RIMS2: variants seen among roughly 807,000 people sequenced by gnomAD.
RIMS2 encodes regulating synaptic membrane exocytosis protein 2.
RIMS2 carries 59 observed loss-of-function variants against 174.4 expected under a neutral mutation model. The ratio of observed to expected loss-of-function variants is 0.34; its 90% CI spans 0.27 to 0.42. The LOEUF (loss-of-function observed/expected upper bound fraction) is 0.42. RIMS2 is among the 10% of genes least tolerant of loss of function. The probability of loss-of-function intolerance (pLI) is 1.00; values close to 1 mark genes in which losing one functional copy is unlikely to be tolerated. For synonymous variants in RIMS2, 606 were observed against 572.5 expected (o/e 1.06, Z -0.84); for missense variants, 1,620 against 1,666.3 (o/e 0.97, Z 0.48).
chr8:103,571,373 C>T (rs2092793864), intron 1 of RIMS2, among the ~76,000 whole-genome samples: 1 of 152,170 alleles, frequency 6.6e-6, no homozygotes, highest in Non-Finnish European at 1.5e-5. Flanking sequence ...CACACACAAG[C>T]CTCCTTGAAG....
At chr8:103,636,183 T>C (rs1696533978) in intron 1 of RIMS2, among the ~76,000 whole-genome samples, 1 of 152,182 alleles carries the variant, frequency 6.6e-6, no homozygotes, top group Non-Finnish European at 1.5e-5. Flanking sequence ...CTGGCTGGAA[T>C]TTCAAGCCAG....
intron 3 of RIMS2, among the ~76,000 whole-genome samples, chr8:103,876,318 T>C (rs2099136415): frequency 1.3e-5 from 2 of 151,964 alleles, no homozygotes; most frequent in Admixed American, 6.6e-5. Flanking sequence ...TTATTCTGAA[T>C]GTGGCTATCT....
At chr8:103,566,509 C>T (rs2092363301) in intron 1 of RIMS2, among the ~76,000 whole-genome samples, 1 of 152,204 alleles carries the variant, frequency 6.6e-6, no homozygotes, top group African/African-American at 2.4e-5. Flanking sequence ...TGTGTACTCT[C>T]AGTTTTTCTA....
intron 3 of RIMS2, among the ~76,000 whole-genome samples, chr8:103,875,181 G>A (rs148069743): frequency 8.6e-5 from 13 of 152,038 alleles, no homozygotes; most frequent in African/African-American, 2.4e-4. Context: ...GAATTGTGTA[G>A]TAGTGAAACC....
At chr8:103,806,143 G>A (rs745681799) in intron 3 of RIMS2, among the ~76,000 whole-genome samples, 2 of 152,066 alleles carry the variant, frequency 1.3e-5, no homozygotes, top group Non-Finnish European at 2.9e-5. Context: ...AGTCATGAGG[G>A]TGGAAGGATT....
intron 19 of RIMS2, among the ~76,000 whole-genome samples, chr8:104,052,863 G>A (rs4549737): frequency 0.65 from 98,870 of 151,930 alleles, 32,795 homozygotes; most frequent in Middle Eastern, 0.71. Flanking sequence ...ATAGAATAAA[G>A]CGGAAAGCTA....
intron 1 of RIMS2, among the ~76,000 whole-genome samples, chr8:103,556,080 C>T (rs1227889607): frequency 6.6e-6 from 1 of 151,790 alleles, no homozygotes; most frequent in African/African-American, 2.4e-5. Context: ...TGAAAAGACA[C>T]AAAATTTCAG....
chr8:103,816,239 TAAAC>T (rs1479495684), intron 3 of RIMS2, among the ~76,000 whole-genome samples: 1 of 152,010 alleles, frequency 6.6e-6, no homozygotes. Flanking sequence ...AGGCTAAAAA[TAAAC>T]AAGCAAAAAA....
chr8:103,673,412 C>T (rs112575820), intron 1 of RIMS2, among the ~76,000 whole-genome samples: 5 of 152,194 alleles, frequency 3.3e-5, no homozygotes, highest in African/African-American at 9.7e-5. Flanking sequence ...AGGAGGCTTC[C>T]GCGTGGACAC....
At chr8:103,666,937 G>A (rs370621200) in intron 1 of RIMS2, among the ~76,000 whole-genome samples, 137 of 152,202 alleles carry the variant, frequency 9.0e-4, no homozygotes, top group African/African-American at 3.2e-3. Context: ...TGTTCCAGTT[G>A]AAGAGAAACC....
chr8:103,664,373 A>G (rs2096642154), intron 1 of RIMS2, among the ~76,000 whole-genome samples: 1 of 152,258 alleles, frequency 6.6e-6, no homozygotes, highest in African/African-American at 2.4e-5. Flanking sequence ...TTTGCAATCT[A>G]CCCATCTGAC....
At chr8:103,529,529 G>A (rs1031736175) in intron 1 of RIMS2, among the ~76,000 whole-genome samples, 1 of 152,230 alleles carries the variant, frequency 6.6e-6, no homozygotes, top group East Asian at 1.9e-4. Context: ...GTCTGTCACA[G>A]CTTCCCTTGG....
downstream of RIMS2, chr8:104,255,045 G>C (rs970069521): frequency 6.6e-6 from 1 of 152,142 alleles, no homozygotes; most frequent in Non-Finnish European, 1.5e-5. Flanking sequence ...GTCTGCTTCA[G>C]GTTTGAAATT....
intron 19 of RIMS2, among the ~76,000 whole-genome samples, chr8:104,078,991 T>G (rs2097354326): frequency 6.6e-6 from 1 of 152,170 alleles, no homozygotes; most frequent in Admixed American, 6.5e-5. Flanking sequence ...TAGATGTATT[T>G]GTGAATTGCT....
chr8:103,783,391 G>A (rs1218806444), intron 3 of RIMS2, among the ~76,000 whole-genome samples: 1 of 150,572 alleles, frequency 6.6e-6, no homozygotes, highest in East Asian at 2.0e-4. Flanking sequence ...TCTAGCATTA[G>A]GTATATCTCC....
At chr8:104,114,025 G>C (rs1265138700) in intron 19 of RIMS2, among the ~76,000 whole-genome samples, 1 of 151,872 alleles carries the variant, frequency 6.6e-6, no homozygotes, top group Non-Finnish European at 1.5e-5. Context: ...GGGTTGAATA[G>C]TTAAAATGAA....
At chr8:103,553,692 A>C (rs771527164) in intron 1 of RIMS2, among the ~76,000 whole-genome samples, 1 of 152,166 alleles carries the variant, frequency 6.6e-6, no homozygotes, top group Admixed American at 6.6e-5. Context: ...ACAGAGTTTG[A>C]AAAAGACTAT....
chr8:103,944,571 C>G (rs889974942), intron 14 of RIMS2, among the ~76,000 whole-genome samples: 2 of 151,984 alleles, frequency 1.3e-5, no homozygotes, highest in Admixed American at 1.3e-4. Flanking sequence ...TTTTTCCCCA[C>G]ACTACTTAGG....
intron 19 of RIMS2, among the ~76,000 whole-genome samples, chr8:104,187,901 GAGA>G (rs2098976472): frequency 6.6e-6 from 1 of 151,410 alleles, no homozygotes; most frequent in Non-Finnish European, 1.5e-5. Flanking sequence ...ATTTTTTCAA[GAGA>G]AGAGTTTTTT....
Sources: allele counts gnomAD v4.1 joint callset (sites outside exome capture counted in the v4.1 genomes callset), GRCh38; gene constraint gnomAD v4.1.1; transcripts MANE v1.5; gene names NCBI Gene and HGNC (gene_info 2026-07-23, HGNC 2026-07-21).